Variants in BMPER observed in about 807,000 individuals in gnomAD.
BMPER encodes BMP binding endothelial regulator, also known as BMP-binding endothelial regulator protein.
BMPER carries 45 observed loss-of-function variants against 87.3 expected under a neutral mutation model. The observed-to-expected ratio is 0.52, with a 90% CI of 0.41 to 0.66. The LOEUF (loss-of-function observed/expected upper bound fraction) is 0.66, where lower values mean the gene tolerates loss of function less well. Ranked by LOEUF, BMPER falls within the 30% of genes least tolerant of loss-of-function variation. The pLI is 0.00. For missense variants in BMPER, 784 were observed against 867.5 expected, an observed-to-expected ratio of 0.90 and a Z score of 1.21; for synonymous variants, 326 against 316.2, an observed-to-expected ratio of 1.03 and a Z score of -0.33.
intron 4 of BMPER, among the ~76,000 whole-genome samples, chr7:33,969,254 AAC>A (rs1785477166): frequency 6.6e-6 from 1 of 152,194 alleles, no homozygotes; most frequent in Admixed American, 6.5e-5. Context: ...CCAAAAATGA[AAC>A]ACAAATCCAT....
intron 6 of BMPER, among the ~76,000 whole-genome samples, chr7:34,016,346 C>G (rs1373446119): frequency 6.6e-6 from 1 of 151,860 alleles, no homozygotes; most frequent in African/African-American, 2.4e-5. Flanking sequence ...TGCCCATAAT[C>G]CCTTTACTTT....
At chr7:34,032,340 T>C (rs1787550688) in intron 6 of BMPER, among the ~76,000 whole-genome samples, 1 of 152,030 alleles carries the variant, frequency 6.6e-6, no homozygotes, top group Non-Finnish European at 1.5e-5. Flanking sequence ...CCATAGATCT[T>C]CTCGTGTCAT....
chr7:34,127,643 C>T (rs1459707342), intron 13 of BMPER, among the ~76,000 whole-genome samples: 1 of 152,208 alleles, frequency 6.6e-6, no homozygotes, highest in Non-Finnish European at 1.5e-5. Context: ...CCGGCTTCTT[C>T]TGCATCCCTC....
intron 3 of BMPER, chr7:33,940,052 T>C: frequency 4.3e-6 from 1 of 233,470 alleles, no homozygotes; most frequent in South Asian, 5.6e-5. Context: ...GAATTGTAAC[T>C]TATGCTCATA....
intron 7 of BMPER, among the ~76,000 whole-genome samples, chr7:34,050,167 C>T (rs1409075248): frequency 4.6e-5 from 7 of 152,246 alleles, no homozygotes; most frequent in African/African-American, 7.2e-5. Flanking sequence ...ATAATACCTG[C>T]GTTAGTTGGG....
In BMPER at chr7:33,972,682, C is replaced by T. The variant is rs189208318; in HGVS notation, c.494-2020C>T. On this transcript the variant is annotated intron_variant, in intron 5 of 14. Transcript: ENST00000649409. Reference sequence around the variant, plus strand: ...CTACCTCCCATGCCCACACACACCGCGAGAATTGAGAAGCTTAGGTCCAGG... The same window carrying T: ...CTACCTCCCATGCCCACACACACCGTGAGAATTGAGAAGCTTAGGTCCAGG... Among the ~76,000 whole-genome samples the T allele has an allele frequency of 1.5e-3, 231 of 152,258 alleles. 1 individual carries two copies. The highest frequency in any genetic ancestry group is 5.3e-3 in the African/African-American group (219 of 41,552).
intron 13 of BMPER, among the ~76,000 whole-genome samples, chr7:34,141,010 G>A (rs973141307): frequency 6.6e-6 from 1 of 152,170 alleles, no homozygotes; most frequent in Admixed American, 6.5e-5. Flanking sequence ...CTGGGAAAGT[G>A]AAGTAGGAAT....
intron 13 of BMPER, among the ~76,000 whole-genome samples, chr7:34,106,744 G>A (rs995206584): frequency 1.3e-5 from 2 of 152,124 alleles, no homozygotes; most frequent in Admixed American, 1.3e-4. Flanking sequence ...TGACATCTAA[G>A]GTTTGCTCTA....
In BMPER at chr7:33,909,574, A is replaced by G. The variant is rs148293542; in HGVS notation, c.219+2671A>G. On this transcript the variant is annotated intron_variant, in intron 2 of 14. Coordinates refer to ENST00000649409, the MANE Select transcript of BMPER (RefSeq NM_001365308.1). Reference sequence around the variant, plus strand: ...GAGGGTATGTAATAGTCTCAACTGTACTTTGGATAAAGAAAATAGTCATAT... The same window carrying G: ...GAGGGTATGTAATAGTCTCAACTGTGCTTTGGATAAAGAAAATAGTCATAT... Among the ~76,000 whole-genome samples, 441 of 151,770 alleles carry G rather than the reference A, an allele frequency of 2.9e-3. 1 individual carries two copies. The highest frequency in any genetic ancestry group is 0.01 in the African/African-American group (417 of 41,390).
intron 6 of BMPER, among the ~76,000 whole-genome samples, chr7:33,994,131 G>A (rs1222777143): frequency 2.0e-5 from 3 of 152,174 alleles, no homozygotes; most frequent in Non-Finnish European, 2.9e-5. Context: ...GCCTCCTTGA[G>A]CTGTGGTGGG....
At chr7:33,982,557 C>A (rs534901474) in intron 6 of BMPER, among the ~76,000 whole-genome samples, 1 of 151,438 alleles carries the variant, frequency 6.6e-6, no homozygotes, top group East Asian at 1.9e-4. Context: ...CTAGGAGGGG[C>A]CTTCAACTTG....
chr7:33,909,569 A>G (rs35789263), intron 2 of BMPER, among the ~76,000 whole-genome samples: 1 of 152,008 alleles, frequency 6.6e-6, no homozygotes, highest in Non-Finnish European at 1.5e-5. Flanking sequence ...AATAGTCTCA[A>G]CTGTACTTTG....
At position 34,135,491 on chromosome 7, in the gene BMPER, A is replaced by G. The variant is rs1206114736; in HGVS notation, c.1746-7739A>G. Among the ~76,000 whole-genome samples the G allele has an allele frequency of 2.0e-5, 3 of 152,162 alleles. No individual in the cohort carries two copies. In the East Asian group the frequency reaches 5.8e-4, roughly 29 times the overall value. ...AATGTCATAACCAGCAGATCTGCTG[A>G]GCTGCCCTGCAGGAAAACCAGCCCC... On this transcript the variant is annotated intron_variant, in intron 13 of 14. Transcript: ENST00000649409.
intron 3 of BMPER, among the ~76,000 whole-genome samples, chr7:33,961,347 A>G (rs1168008644): frequency 1.3e-5 from 2 of 152,180 alleles, no homozygotes; most frequent in South Asian, 2.1e-4. Flanking sequence ...CAATTTGTCT[A>G]GAATAAAAGG....
chr7:34,017,966 C>CAAA (rs1310910140), intron 6 of BMPER, among the ~76,000 whole-genome samples: 1 of 80,422 alleles, frequency 1.2e-5, no homozygotes, highest in Non-Finnish European at 2.8e-5. Context: ...TAAACTTGTC[C>CAAA]AAAAAAAAAA....
At position 33,937,379 on chromosome 7, in the gene BMPER, C is replaced by G; in HGVS notation, c.310C>G (p.Gln104Glu). The G allele has an allele frequency of 6.2e-7, 1 of 1,614,034 alleles. No homozygotes were observed. Among genetic ancestry groups the G allele is most frequent in the Non-Finnish European group, 8.5e-7 (1 of 1,179,910 alleles). The change falls in exon 3 of 15, where the codon CAG becomes GAG. Residue 104 changes from glutamine to glutamate, a missense_variant. Physicochemically the swap from Gln to Glu is conservative, Grantham distance 29. Transcript: ENST00000649409. ...CAAGCAGAGGGGAGCCTGTTGTGAACAGTGCAAAGGTGATTGATGTCTTGG... is the reference window on the plus strand; with the variant it reads ...CAAGCAGAGGGGAGCCTGTTGTGAAGAGTGCAAAGGTGATTGATGTCTTGG... ...AIKQRGACCE[Q>E]CKGCTYEGNT...
intron 6 of BMPER, among the ~76,000 whole-genome samples, chr7:34,046,008 A>T (rs1787954362): frequency 6.6e-6 from 1 of 152,170 alleles, no homozygotes; most frequent in South Asian, 2.1e-4. Context: ...GAGAGTTTTG[A>T]TCATCCTATA....
chr7:33,916,438 C>T (rs558511165), intron 2 of BMPER, among the ~76,000 whole-genome samples: 8 of 152,332 alleles, frequency 5.3e-5, no homozygotes, highest in African/African-American at 1.4e-4. Flanking sequence ...GCTTCTGAGT[C>T]GTCTTCATTT....
At chr7:34,145,934 A>G (rs1791004294) in intron 14 of BMPER, among the ~76,000 whole-genome samples, 1 of 152,128 alleles carries the variant, frequency 6.6e-6, no homozygotes, top group African/African-American at 2.4e-5. Context: ...GAAAGATTCC[A>G]TTTACCTGTT....
Sources: gnomAD v4.1 joint callset for allele counts (sites outside exome capture counted in the v4.1 genomes callset) on GRCh38, gnomAD v4.1.1 for gene constraint, MANE v1.5 for transcripts, NCBI Gene and HGNC (gene_info 2026-07-23, HGNC 2026-07-21) for gene names.